Variants in PPARGC1A observed in about 807,000 individuals in gnomAD.
PPARGC1A encodes PPARG coactivator 1 alpha.
A neutral mutation model predicts 88.7 loss-of-function variants in PPARGC1A; 25 were observed. The ratio of observed to expected loss-of-function variants is 0.28; its 90% CI spans 0.21 to 0.39. PPARGC1A has a LOEUF of 0.39. PPARGC1A is among the 10% of genes least tolerant of loss of function. PPARGC1A has a pLI of 1.00. For missense variants in PPARGC1A, 880 were observed against 968.7 expected, an observed-to-expected ratio of 0.91 and a Z score of 1.22; for synonymous variants, 363 against 355.6, an observed-to-expected ratio of 1.02 and a Z score of -0.24.
chr4:23,821,625 A>C (rs1188434835), intron 7 of PPARGC1A, among the ~76,000 whole-genome samples: 2 of 152,100 alleles, frequency 1.3e-5, no homozygotes, highest in African/African-American at 4.8e-5. Flanking sequence ...CTGCAAATGA[A>C]GTTAACTCAG....
the PPARGC1A span, among the ~76,000 whole-genome samples, chr4:24,400,032 C>T: frequency 1.3e-5 from 2 of 149,566 alleles, no homozygotes; most frequent in Non-Finnish European, 3.0e-5. Context: ...TGATCCACCC[C>T]GCCTCAGCCT....
the PPARGC1A span, among the ~76,000 whole-genome samples, chr4:23,971,591 A>G: frequency 5.3e-5 from 8 of 152,296 alleles, no homozygotes; most frequent in African/African-American, 1.9e-4. Context: ...TGGGAGAAAG[A>G]TGTAGGCTGG....
the PPARGC1A span, among the ~76,000 whole-genome samples, chr4:24,338,953 A>G: frequency 1.3e-5 from 2 of 152,046 alleles, no homozygotes; most frequent in Non-Finnish European, 2.9e-5. Flanking sequence ...CATTTTAACC[A>G]CTTTTAAATG....
At chr4:24,228,514 G>A in the PPARGC1A span, among the ~76,000 whole-genome samples, 4 of 152,004 alleles carry the variant, frequency 2.6e-5, no homozygotes, top group African/African-American at 9.7e-5. Context: ...TAGAAGGGAG[G>A]CAAGGGTTGA....
the PPARGC1A span, among the ~76,000 whole-genome samples, chr4:23,966,729 G>A: frequency 6.6e-6 from 1 of 152,224 alleles, no homozygotes; most frequent in African/African-American, 2.4e-5. Context: ...ACCCAGGTCT[G>A]TCTATCAAAG....
the PPARGC1A span, among the ~76,000 whole-genome samples, chr4:24,289,156 G>A: frequency 2.1e-5 from 3 of 145,974 alleles, no homozygotes; most frequent in Non-Finnish European, 3.0e-5. Context: ...GGAGGCGGAG[G>A]TTGCGGTGAG....
At chr4:23,870,412 C>T (rs1208893375) in intron 2 of PPARGC1A, among the ~76,000 whole-genome samples, 1 of 152,096 alleles carries the variant, frequency 6.6e-6, no homozygotes, top group African/African-American at 2.4e-5. Context: ...CTAAAAGGCC[C>T]CAGACTGTCA....
chr4:24,408,500 C>T, the PPARGC1A span, among the ~76,000 whole-genome samples: 1 of 152,202 alleles, frequency 6.6e-6, no homozygotes, highest in Non-Finnish European at 1.5e-5. Flanking sequence ...TCCATTGGAT[C>T]TGAGGTGGCC....
chr4:23,836,995 C>G (rs911111144), intron 2 of PPARGC1A, among the ~76,000 whole-genome samples: 1 of 152,316 alleles, frequency 6.6e-6, no homozygotes, highest in East Asian at 1.9e-4. Context: ...ATGAAAGGAC[C>G]ATGCCCTGCT....
the PPARGC1A span, among the ~76,000 whole-genome samples, chr4:23,979,175 T>A: frequency 2.0e-5 from 3 of 152,200 alleles, no homozygotes; most frequent in African/African-American, 7.2e-5. Flanking sequence ...AGCACCATTT[T>A]TTTCTAAGAA....
the PPARGC1A span, among the ~76,000 whole-genome samples, chr4:23,961,791 C>T: frequency 6.6e-6 from 1 of 152,250 alleles, no homozygotes; most frequent in East Asian, 1.9e-4. Flanking sequence ...GCCCCCTGTA[C>T]ATGTTAGGCC....
the PPARGC1A span, among the ~76,000 whole-genome samples, chr4:24,007,814 C>T: frequency 0.23 from 35,393 of 151,882 alleles, 4,539 homozygotes; most frequent in African/African-American, 0.34. Flanking sequence ...GGATGCTAGG[C>T]GGGTTCCTTG....
At chr4:24,084,983 G>A in the PPARGC1A span, among the ~76,000 whole-genome samples, 1 of 152,162 alleles carries the variant, frequency 6.6e-6, no homozygotes, top group Non-Finnish European at 1.5e-5. Flanking sequence ...ATCCTCAGGT[G>A]CTGGTTTTGA....
At chr4:23,868,701 C>T (rs1437666695) in intron 2 of PPARGC1A, among the ~76,000 whole-genome samples, 3 of 152,210 alleles carry the variant, frequency 2.0e-5, no homozygotes, top group South Asian at 2.1e-4. Context: ...GTGCCAAAGA[C>T]GGCCACAAAT....
chr4:24,453,240 C>T, the PPARGC1A span, among the ~76,000 whole-genome samples: 17 of 152,310 alleles, frequency 1.1e-4, 1 homozygote, highest in African/African-American at 2.4e-4. Flanking sequence ...TTTCAACCTT[C>T]GGAACTGTGA....
chr4:23,818,276 T>G (rs1274530048), intron 7 of PPARGC1A, among the ~76,000 whole-genome samples: 1 of 152,190 alleles, frequency 6.6e-6, no homozygotes, highest in Non-Finnish European at 1.5e-5. Flanking sequence ...AGATGGCCAT[T>G]ACAGGCTGAA....
chr4:24,395,565 C>T, the PPARGC1A span, among the ~76,000 whole-genome samples: 1 of 152,200 alleles, frequency 6.6e-6, no homozygotes, highest in South Asian at 2.1e-4. Context: ...GTGAATCATT[C>T]TGAAGACAAA....
chr4:24,222,938 T>C, the PPARGC1A span, among the ~76,000 whole-genome samples: 3 of 152,122 alleles, frequency 2.0e-5, no homozygotes, highest in Non-Finnish European at 2.9e-5. Context: ...TCTTCATACA[T>C]AAAAATTAGC....
At chr4:24,148,933 CAT>C in the PPARGC1A span, among the ~76,000 whole-genome samples, 3 of 152,198 alleles carry the variant, frequency 2.0e-5, no homozygotes, top group South Asian at 4.1e-4. Flanking sequence ...AATGTAAACA[CAT>C]GTGTTTGATT....
Sources: gnomAD v4.1 joint callset for allele counts (sites outside exome capture counted in the v4.1 genomes callset) on GRCh38, gnomAD v4.1.1 for gene constraint, MANE v1.5 for transcripts, NCBI Gene and HGNC (gene_info 2026-07-23, HGNC 2026-07-21) for gene names.